Variants in CTNNA3 observed in about 807,000 individuals in gnomAD.
CTNNA3 encodes the protein catenin alpha-3.
Under a neutral mutation model 95.7 loss-of-function variants are expected in CTNNA3, and 76 were observed. The observed-to-expected ratio is 0.79, with a 90% CI of 0.66 to 0.96. The LOEUF is 0.96. Among genes scored for constraint, CTNNA3 ranks in the 40% least tolerant of loss-of-function variants. The probability of loss-of-function intolerance (pLI) is 0.00; values close to 1 mark genes in which losing one functional copy is unlikely to be tolerated. For synonymous variants in CTNNA3, 431 were observed against 374.4 expected (o/e 1.15, Z -1.74); for missense variants, 1,191 against 1,089.8 (o/e 1.09, Z -1.31).
intron 14 of CTNNA3, among the ~76,000 whole-genome samples, chr10:66,074,998 C>T (rs2080521720): frequency 6.6e-6 from 1 of 151,768 alleles, no homozygotes; most frequent in African/African-American, 2.4e-5. Context: ...TTTTCATTGT[C>T]AACCACATTT....
chr10:66,018,557 A>G (rs139449148), intron 15 of CTNNA3, among the ~76,000 whole-genome samples: 1,724 of 152,212 alleles, frequency 0.011, 33 homozygotes, highest in African/African-American at 0.039. Flanking sequence ...TAGAGCAATT[A>G]TATTGCAATA....
intron 10 of CTNNA3, among the ~76,000 whole-genome samples, chr10:66,573,468 A>G (rs116869545): frequency 0.024 from 3,613 of 152,292 alleles, 83 homozygotes; most frequent in South Asian, 0.056. Flanking sequence ...GTAACACTCC[A>G]GGATTATAGG....
intron 10 of CTNNA3, among the ~76,000 whole-genome samples, chr10:66,542,056 A>G (rs1376830984): frequency 3.3e-5 from 5 of 152,062 alleles, no homozygotes; most frequent in Non-Finnish European, 7.3e-5. Flanking sequence ...AAAACAAACA[A>G]CCCCATCAAA....
At position 66,922,434 on chromosome 10, in the gene CTNNA3, T is replaced by C. The variant is rs1403727903; in HGVS notation, c.1048-146910A>G. On this transcript the variant is annotated intron_variant, in intron 7 of 17. Transcript: ENST00000433211. The stretch of plus-strand genomic sequence containing the variant: ...TTCTTTTTCTCTTGAGGGACTACTC[T>C]ATGTCTTTGCAGTAACTTCTGCAGC... 3.9e-5 allele frequency among the ~76,000 whole-genome samples: 6 copies of C among 152,360 alleles called. No individual in the cohort carries two copies. The South Asian group carries it at 8.3e-4, about 21-fold the overall frequency.
intron 9 of CTNNA3, among the ~76,000 whole-genome samples, chr10:66,626,392 T>C (rs1844936396): frequency 6.6e-6 from 1 of 152,188 alleles, no homozygotes; most frequent in Admixed American, 6.6e-5. Context: ...TGTAATATCA[T>C]GTCACCACGT....
At chr10:66,901,066 C>G (rs1433847657) in intron 7 of CTNNA3, among the ~76,000 whole-genome samples, 1 of 152,162 alleles carries the variant, frequency 6.6e-6, no homozygotes, top group Admixed American at 6.5e-5. Flanking sequence ...AACTGCAAGA[C>G]ACATACTTGT....
At chr10:67,404,141 C>G (rs781601539) in intron 5 of CTNNA3, among the ~76,000 whole-genome samples, 5 of 151,916 alleles carry the variant, frequency 3.3e-5, no homozygotes, top group Non-Finnish European at 5.9e-5. Context: ...CCAGTGTGCT[C>G]CCTTTCCTCT....
chr10:67,477,757 A>C lies in CTNNA3; in HGVS notation c.579+44085T>G, dbSNP rs570262293. 3.8e-3 allele frequency among the ~76,000 whole-genome samples: 581 copies of C among 152,334 alleles called. 11 individuals are homozygous for C. The South Asian group carries it at 0.043, about 11-fold the overall frequency. ...ACTACAGATGAGAAGGAACCAGCTAAAGAATTCTGGCACCTGAAAAACCTG... is the reference window on the plus strand; with the variant it reads ...ACTACAGATGAGAAGGAACCAGCTACAGAATTCTGGCACCTGAAAAACCTG... On this transcript the variant is annotated intron_variant, in intron 5 of 17. Coordinates refer to ENST00000433211, the MANE Select transcript of CTNNA3 (RefSeq NM_013266.4).
chr10:67,138,272 C>T lies in CTNNA3; in HGVS notation c.1047+42045G>A, dbSNP rs116884138. 1.3e-3 allele frequency among the ~76,000 whole-genome samples: 202 copies of T among 152,220 alleles called. 3 individuals are homozygous for T. In the East Asian group the frequency reaches 0.037, roughly 28 times the overall value. ...ACACATGTCCCATAAACAAAGAAGC[C>T]AGCAGTGGACCCCTTCAGGTAGTCA... is the stretch of plus-strand genomic sequence containing the variant. On this transcript the variant is annotated intron_variant, in intron 7 of 17. Coordinates refer to ENST00000433211, the MANE Select transcript of CTNNA3 (RefSeq NM_013266.4).
chr10:66,456,032 A>G (rs889303096), intron 11 of CTNNA3, among the ~76,000 whole-genome samples: 24 of 152,232 alleles, frequency 1.6e-4, no homozygotes, highest in African/African-American at 5.3e-4. Context: ...ACAAATGCTG[A>G]TTAAAAGATA....
intron 12 of CTNNA3, among the ~76,000 whole-genome samples, chr10:66,298,942 T>A: frequency 6.6e-6 from 1 of 152,172 alleles, no homozygotes; most frequent in African/African-American, 2.4e-5. Context: ...AGGGCCAACC[T>A]GCCTCCCATT....
At chr10:66,675,076 T>C (rs934580547) in intron 9 of CTNNA3, among the ~76,000 whole-genome samples, 6 of 151,978 alleles carry the variant, frequency 3.9e-5, no homozygotes, top group African/African-American at 4.8e-5. Context: ...CTCTTTCAAA[T>C]GGGGGTTAAA....
chr10:66,472,701 A>G (rs1480593236), intron 11 of CTNNA3, among the ~76,000 whole-genome samples: 1 of 152,052 alleles, frequency 6.6e-6, no homozygotes, highest in Non-Finnish European at 1.5e-5. Flanking sequence ...AGCGTTTCAG[A>G]GATGTTATAA....
intron 11 of CTNNA3, among the ~76,000 whole-genome samples, chr10:66,427,058 C>T (rs1259299709): frequency 1.3e-5 from 2 of 151,660 alleles, no homozygotes; most frequent in Non-Finnish European, 2.9e-5. Flanking sequence ...CTCAAAGGCC[C>T]TTTTGTCAAT....
chr10:66,322,365 A>T (rs2092200876), intron 12 of CTNNA3, among the ~76,000 whole-genome samples: 1 of 152,106 alleles, frequency 6.6e-6, no homozygotes, highest in Non-Finnish European at 1.5e-5. Context: ...ACAGTCGCCC[A>T]GGATTTCTGC....
chr10:67,330,451 T>C (rs1243759177), intron 5 of CTNNA3, among the ~76,000 whole-genome samples: 3 of 152,180 alleles, frequency 2.0e-5, no homozygotes, highest in Non-Finnish European at 4.4e-5. Flanking sequence ...AGTTCGTACA[T>C]ATAAAGCGAT....
intron 11 of CTNNA3, among the ~76,000 whole-genome samples, chr10:66,409,316 G>A (rs755384215): frequency 1.3e-4 from 20 of 151,942 alleles, no homozygotes; most frequent in African/African-American, 4.6e-4. Flanking sequence ...CATGTTTTTG[G>A]TCTACTTAAC....
chr10:66,320,343 C>T (rs2092164049), intron 12 of CTNNA3, among the ~76,000 whole-genome samples: 1 of 152,040 alleles, frequency 6.6e-6, no homozygotes, highest in African/African-American at 2.4e-5. Flanking sequence ...TTTCCTGCCT[C>T]TAGCCAGTTG....
chr10:65,964,339 A>C (rs1363424964), intron 17 of CTNNA3, among the ~76,000 whole-genome samples: 1 of 151,918 alleles, frequency 6.6e-6, no homozygotes, highest in Non-Finnish European at 1.5e-5. Flanking sequence ...TTTCAGATTT[A>C]TTTTTTTTCT....
Sources: gnomAD v4.1 joint callset for allele counts (sites outside exome capture counted in the v4.1 genomes callset) on GRCh38, gnomAD v4.1.1 for gene constraint, MANE v1.5 for transcripts, NCBI Gene and HGNC (gene_info 2026-07-23, HGNC 2026-07-21) for gene names.